The following CNTN6 variants were observed in gnomAD, a reference collection of about 807,000 sequenced individuals.
CNTN6 encodes the protein contactin-6.
In CNTN6, 137 loss-of-function variants were observed where a neutral mutation model predicts 122.8. The ratio of observed to expected loss-of-function variants is 1.12; its 90% CI spans 0.97 to 1.29. The LOEUF (loss-of-function observed/expected upper bound fraction) is 1.29, where lower values mean the gene tolerates loss of function less well. Ranked by LOEUF, CNTN6 falls within the 50% of genes most tolerant of loss-of-function variation. CNTN6 has a pLI of 0.00. For missense variants in CNTN6, 1,634 were observed against 1,223.4 expected, an observed-to-expected ratio of 1.34 and a Z score of -5.01; for synonymous variants, 570 against 426.0, an observed-to-expected ratio of 1.34 and a Z score of -4.16.
intron 12 of CNTN6, among the ~76,000 whole-genome samples, chr3:1,355,721 A>G (rs931697585): frequency 1.3e-5 from 2 of 151,768 alleles, no homozygotes; most frequent in African/African-American, 4.8e-5. Flanking sequence ...TAAGGAGCAA[A>G]TGAGAAATCT....
chr3:1,328,735 A>G (rs929988569), intron 10 of CNTN6, among the ~76,000 whole-genome samples: 1 of 151,728 alleles, frequency 6.6e-6, no homozygotes. Flanking sequence ...CAACATCTGA[A>G]AAGCCCAGAA....
chr3:1,203,768 C>T (rs1327668805), intron 2 of CNTN6, among the ~76,000 whole-genome samples: 1 of 152,102 alleles, frequency 6.6e-6, no homozygotes, highest in Non-Finnish European at 1.5e-5. Context: ...TTAGAGTATT[C>T]TCATCAGTTA....
rs1695996603 is a variant in CNTN6, at chr3:1,403,487, C to T, written c.*69C>T. ...ATTCTGTATATATGCTCTCCAGCCT[C>T]TGACACAAGATGCGTTCTTAATACA... On this transcript the variant is annotated 3_prime_UTR_variant, in exon 23 of 23. Transcript: ENST00000446702. The T allele has an allele frequency of 2.1e-6, 2 of 935,804 alleles. No individual in the cohort carries two copies. Among genetic ancestry groups the T allele is most frequent in the East Asian group, 2.5e-5 (1 of 40,206 alleles). The allele number at this position is 935,804 out of a possible 1,614,324, so 58.0% of individuals were successfully genotyped here.
chr3:1,213,508 T>A (rs138735205), intron 2 of CNTN6, among the ~76,000 whole-genome samples: 85 of 151,988 alleles, frequency 5.6e-4, no homozygotes, highest in African/African-American at 1.9e-3. Flanking sequence ...CGCATTTTTA[T>A]TTTAATCATT....
chr3:1,341,454 C>T (rs1703877671), intron 11 of CNTN6, among the ~76,000 whole-genome samples: 1 of 152,082 alleles, frequency 6.6e-6, no homozygotes, highest in Admixed American at 6.5e-5. Flanking sequence ...TTAGGCTTTC[C>T]ATCTGATGCT....
At chr3:1,371,837 C>T (rs986547551) in intron 12 of CNTN6, among the ~76,000 whole-genome samples, 1 of 152,124 alleles carries the variant, frequency 6.6e-6, no homozygotes, top group Non-Finnish European at 1.5e-5. Flanking sequence ...CATTCACCCT[C>T]TTAAATATAA....
At chr3:1,098,103 G>A (rs1010272139) in intron 1 of CNTN6, among the ~76,000 whole-genome samples, 2 of 151,332 alleles carry the variant, frequency 1.3e-5, no homozygotes, top group African/African-American at 4.9e-5. Context: ...GCGGGGGGGG[G>A]AGGGATAGCA....
chr3:1,312,544 C>T (rs950318847), intron 7 of CNTN6, among the ~76,000 whole-genome samples: 2 of 151,124 alleles, frequency 1.3e-5, no homozygotes, highest in African/African-American at 4.9e-5. Flanking sequence ...TAAGCTTCTA[C>T]TCAAATTTGG....
chr3:1,123,849 A>C (rs1336098338), intron 1 of CNTN6, among the ~76,000 whole-genome samples: 1 of 151,864 alleles, frequency 6.6e-6, no homozygotes, highest in Non-Finnish European at 1.5e-5. Flanking sequence ...ATTTTGAGAA[A>C]GTTTCTTTGT....
intron 4 of CNTN6, among the ~76,000 whole-genome samples, chr3:1,240,100 A>C (rs1384666679): frequency 6.6e-6 from 1 of 152,208 alleles, no homozygotes; most frequent in African/African-American, 2.4e-5. Context: ...ACACTTCCAG[A>C]CATTGGCTTA....
intron 1 of CNTN6, among the ~76,000 whole-genome samples, chr3:1,107,572 CA>C (rs2091284299): frequency 6.6e-6 from 1 of 151,996 alleles, no homozygotes; most frequent in African/African-American, 2.4e-5. Flanking sequence ...TCCAAAAGAT[CA>C]AAGTAAAATG....
At chr3:1,388,514 C>G (rs924717412) in intron 20 of CNTN6, among the ~76,000 whole-genome samples, 1 of 151,596 alleles carries the variant, frequency 6.6e-6, no homozygotes, top group African/African-American at 2.4e-5. Context: ...GCCTCTCCTC[C>G]TCCAAGGGAA....
At chr3:1,348,664 T>C (rs1001738664) in intron 11 of CNTN6, among the ~76,000 whole-genome samples, 1 of 152,046 alleles carries the variant, frequency 6.6e-6, no homozygotes, top group Non-Finnish European at 1.5e-5. Flanking sequence ...GTAAACTATA[T>C]TTTGGAAGTG....
chr3:1,296,542 T>A (rs914997625), intron 6 of CNTN6, among the ~76,000 whole-genome samples: 4 of 152,208 alleles, frequency 2.6e-5, no homozygotes, highest in Non-Finnish European at 5.9e-5. Flanking sequence ...GTGCATTTTA[T>A]GATTGTATTC....
chr3:1,227,545 T>C (rs1399106641), intron 3 of CNTN6, among the ~76,000 whole-genome samples: 1 of 152,198 alleles, frequency 6.6e-6, no homozygotes, highest in East Asian at 1.9e-4. Flanking sequence ...GACTGTCTAA[T>C]TTTTATTTCT....
At chr3:1,207,335 AG>A (rs1219039004) in intron 2 of CNTN6, among the ~76,000 whole-genome samples, 3 of 152,164 alleles carry the variant, frequency 2.0e-5, no homozygotes, top group African/African-American at 7.2e-5. Flanking sequence ...ATACAAAAAA[AG>A]ATCTAGAATC....
At chr3:1,126,532 T>G (rs907437825) in intron 1 of CNTN6, among the ~76,000 whole-genome samples, 3 of 151,896 alleles carry the variant, frequency 2.0e-5, no homozygotes, top group Non-Finnish European at 4.4e-5. Context: ...TCACAATCTT[T>G]GTTAATTGTA....
chr3:1,241,587 AC>A (rs1199705268), intron 4 of CNTN6, among the ~76,000 whole-genome samples: 1 of 152,152 alleles, frequency 6.6e-6, no homozygotes, highest in Non-Finnish European at 1.5e-5. Flanking sequence ...AATTGGGAGG[AC>A]CCAGGACATC....
chr3:1,393,056 G>T (rs1380170593), intron 20 of CNTN6, among the ~76,000 whole-genome samples: 2 of 42,168 alleles, frequency 4.7e-5, no homozygotes, highest in African/African-American at 7.9e-5. Context: ...CCCATTACTG[G>T]GTATATACCC....
Sources: allele counts gnomAD v4.1 joint callset (sites outside exome capture counted in the v4.1 genomes callset), GRCh38; gene constraint gnomAD v4.1.1; transcripts MANE v1.5; gene names NCBI Gene and HGNC (gene_info 2026-07-23, HGNC 2026-07-21).